RBFOX1: variants seen among roughly 807,000 people sequenced by gnomAD.
RBFOX1 encodes RNA binding protein fox-1 homolog 1.
RBFOX1 carries 8 observed loss-of-function variants against 57.7 expected under a neutral mutation model. That is an observed-to-expected ratio of 0.14 (90% CI 0.08 to 0.25). The LOEUF is 0.25. RBFOX1 is among the 10% of genes least tolerant of loss of function. RBFOX1 has a pLI of 1.00. For missense variants in RBFOX1, 611 were observed against 548.5 expected (o/e 1.11, Z -1.14); for synonymous variants, 326 against 222.4 (o/e 1.47, Z -4.15).
chr16:5,986,391 A>T (rs558975597), intron 4 of RBFOX1, among the ~76,000 whole-genome samples: 17 of 152,310 alleles, frequency 1.1e-4, no homozygotes, highest in African/African-American at 3.8e-4. Flanking sequence ...AGTCAATTGT[A>T]CATTCACAGG....
At chr16:6,319,850 A>G (rs918673255) in intron 2 of RBFOX1, among the ~76,000 whole-genome samples, 6 of 152,104 alleles carry the variant, frequency 3.9e-5, no homozygotes, top group South Asian at 2.1e-4. Context: ...CTTGATCTCT[A>G]TTTTCCTATC....
intron 3 of RBFOX1, among the ~76,000 whole-genome samples, chr16:6,987,317 A>C (rs2090503881): frequency 6.6e-6 from 1 of 152,132 alleles, no homozygotes; most frequent in South Asian, 2.1e-4. Flanking sequence ...TGAAGTTTTC[A>C]AAGGAGGAAG....
chr16:6,784,085 T>G (rs920450072), intron 3 of RBFOX1, among the ~76,000 whole-genome samples: 3 of 152,116 alleles, frequency 2.0e-5, no homozygotes, highest in African/African-American at 7.2e-5. Context: ...TCCTTAACCT[T>G]TGAGAATTTG....
At chr16:5,576,011 G>A (rs937303692) in intron 2 of RBFOX1, among the ~76,000 whole-genome samples, 9 of 151,906 alleles carry the variant, frequency 5.9e-5, no homozygotes, top group Non-Finnish European at 1.3e-4. Context: ...TTTTGGGACA[G>A]AGTCTCACTC....
At chr16:6,616,494 G>A (rs1209141632) in intron 2 of RBFOX1, among the ~76,000 whole-genome samples, 2 of 152,078 alleles carry the variant, frequency 1.3e-5, no homozygotes, top group African/African-American at 2.4e-5. Context: ...GGCTAACAAG[G>A]TGAAACCCCG....
intron 5 of RBFOX1, among the ~76,000 whole-genome samples, chr16:7,537,186 A>G (rs1458553862): frequency 6.6e-6 from 1 of 152,264 alleles, no homozygotes; most frequent in Non-Finnish European, 1.5e-5. Flanking sequence ...AAGGACTGCC[A>G]GTAAGCTCTT....
At chr16:6,852,297 C>A (rs563897756) in intron 3 of RBFOX1, among the ~76,000 whole-genome samples, 1 of 152,202 alleles carries the variant, frequency 6.6e-6, no homozygotes, top group Admixed American at 6.5e-5. Flanking sequence ...TGTGCCTCTG[C>A]GTCTTTCTTT....
At chr16:5,349,503 C>T (rs1596610351) in intron 1 of RBFOX1, among the ~76,000 whole-genome samples, 2 of 152,054 alleles carry the variant, frequency 1.3e-5, no homozygotes, top group African/African-American at 4.8e-5. Flanking sequence ...GCGATCCTAT[C>T]TCTACTAAAA....
intron 1 of RBFOX1, among the ~76,000 whole-genome samples, chr16:6,065,775 C>G (rs372308384): frequency 3.6e-4 from 55 of 152,294 alleles, no homozygotes; most frequent in Middle Eastern, 3.4e-3. Context: ...ATAACAGCCT[C>G]ATGGGATGAA....
chr16:7,210,138 A>G (rs759414645), intron 4 of RBFOX1, among the ~76,000 whole-genome samples: 9 of 152,196 alleles, frequency 5.9e-5, no homozygotes, highest in Non-Finnish European at 8.8e-5. Flanking sequence ...TGTGTATTCA[A>G]TAAGGGTGAT....
chr16:6,635,872 C>T (rs2098426964), intron 2 of RBFOX1, among the ~76,000 whole-genome samples: 1 of 151,956 alleles, frequency 6.6e-6, no homozygotes, highest in Non-Finnish European at 1.5e-5. Flanking sequence ...TGTTCGAGAC[C>T]AGAGGTATTT....
chr16:5,747,444 G>T (rs766856004), intron 3 of RBFOX1, among the ~76,000 whole-genome samples: 1 of 152,196 alleles, frequency 6.6e-6, no homozygotes, highest in African/African-American at 2.4e-5. Flanking sequence ...GATTGGACTA[G>T]TTTCGGAAGG....
chr16:5,393,798 C>A (rs2066476833), intron 1 of RBFOX1, among the ~76,000 whole-genome samples: 1 of 152,176 alleles, frequency 6.6e-6, no homozygotes, highest in South Asian at 2.1e-4. Context: ...TGCTGTCCAA[C>A]CATCACCACC....
intron 1 of RBFOX1, among the ~76,000 whole-genome samples, chr16:6,169,641 C>G (rs992344341): frequency 6.6e-6 from 1 of 152,196 alleles, no homozygotes; most frequent in Admixed American, 6.5e-5. Context: ...AGATTGGTTA[C>G]AGCTCCGCGT....
chr16:7,473,603 A>G (rs1361416086), intron 4 of RBFOX1, among the ~76,000 whole-genome samples: 1 of 151,546 alleles, frequency 6.6e-6, no homozygotes, highest in East Asian at 1.9e-4. Flanking sequence ...TACCCATATT[A>G]TGAGTTACAG....
intron 1 of RBFOX1, among the ~76,000 whole-genome samples, chr16:5,280,605 C>G (rs1215519721): frequency 6.6e-6 from 1 of 152,144 alleles, no homozygotes; most frequent in African/African-American, 2.4e-5. Context: ...TGATCCAAAC[C>G]TGCTATTCAT....
intron 1 of RBFOX1, among the ~76,000 whole-genome samples, chr16:6,181,712 C>T (rs2097064497): frequency 6.6e-6 from 1 of 152,248 alleles, no homozygotes; most frequent in East Asian, 1.9e-4. Context: ...ACCCACAGCA[C>T]TATGGTTCTA....
rs78647559 is a variant in RBFOX1, at chr16:7,446,422, A to G, written c.28-71725A>G. 0.024 allele frequency among the ~76,000 whole-genome samples: 3,707 copies of G among 152,266 alleles called. 336 individuals are homozygous for G. The East Asian group carries it at 0.31, about 13-fold the overall frequency. On this transcript the variant is annotated intron_variant, in intron 4 of 15. Transcript: ENST00000550418. ...CATGATTTTCTAGTATAACTAGACA[A>G]TTATTTTCAGCAAGTTCTCCCTCAC...
chr16:7,368,278 A>G (rs543895132), intron 4 of RBFOX1, among the ~76,000 whole-genome samples: 15 of 151,788 alleles, frequency 9.9e-5, no homozygotes, highest in South Asian at 8.3e-4. Flanking sequence ...AAAAAAAAAA[A>G]AGAGAGAGAA....
Sources: allele counts gnomAD v4.1 joint callset (sites outside exome capture counted in the v4.1 genomes callset), GRCh38; gene constraint gnomAD v4.1.1; transcripts MANE v1.5; gene names NCBI Gene and HGNC (gene_info 2026-07-23, HGNC 2026-07-21).